Variants in PTPRM observed in about 807,000 individuals in gnomAD.
PTPRM encodes the protein receptor-type tyrosine-protein phosphatase mu.
Under a neutral mutation model 186.7 loss-of-function variants are expected in PTPRM, and 47 were observed. That is an observed-to-expected ratio of 0.25 (90% CI 0.20 to 0.32). The LOEUF (loss-of-function observed/expected upper bound fraction) is 0.32. Among genes scored for constraint, PTPRM ranks in the 10% least tolerant of loss-of-function variants. PTPRM has a pLI of 1.00. For missense variants in PTPRM, 1,494 were observed against 1,865.0 expected, an observed-to-expected ratio of 0.80 and a Z score of 3.66; for synonymous variants, 668 against 674.9, an observed-to-expected ratio of 0.99 and a Z score of 0.16.
chr18:7,797,814 C>T (rs1248734398), intron 2 of PTPRM, among the ~76,000 whole-genome samples: 1 of 152,152 alleles, frequency 6.6e-6, no homozygotes, highest in Non-Finnish European at 1.5e-5. Context: ...GTTCTTTAGC[C>T]ACAGTCTTGA....
intron 2 of PTPRM, among the ~76,000 whole-genome samples, chr18:7,816,898 C>A (rs753721636): frequency 3.3e-5 from 5 of 151,934 alleles, no homozygotes; most frequent in Non-Finnish European, 7.4e-5. Context: ...AATAGTTAAG[C>A]ATAATAACTG....
chr18:7,869,706 T>C (rs970725253), intron 2 of PTPRM, among the ~76,000 whole-genome samples: 3 of 152,222 alleles, frequency 2.0e-5, no homozygotes, highest in African/African-American at 7.2e-5. Flanking sequence ...GCAATGATCT[T>C]TTCTTCCTGA....
chr18:8,248,207 T>C (rs777081388), intron 17 of PTPRM, 31 bp downstream of exon 17: 2 of 1,519,656 alleles, frequency 1.3e-6, no homozygotes, highest in Non-Finnish European at 9.1e-7. Flanking sequence ...CACAGTTTAT[T>C]GCAGGAGTAA....
intron 1 of PTPRM, among the ~76,000 whole-genome samples, chr18:7,770,299 G>A (rs1364220534): frequency 6.6e-6 from 1 of 152,146 alleles, no homozygotes; most frequent in African/African-American, 2.4e-5. Flanking sequence ...CTAACTGCCT[G>A]TTCTTGGCAC....
At chr18:7,578,286 C>G (rs922118183) in intron 1 of PTPRM, among the ~76,000 whole-genome samples, 1 of 151,860 alleles carries the variant, frequency 6.6e-6, no homozygotes, top group Non-Finnish European at 1.5e-5. Context: ...ACCTCAGCCT[C>G]CTGAGTAGTT....
intron 7 of PTPRM, among the ~76,000 whole-genome samples, chr18:8,041,468 G>GAA (rs111472760): frequency 2.7e-4 from 41 of 149,318 alleles, no homozygotes; most frequent in African/African-American, 5.9e-4. Flanking sequence ...GTGACCAAAA[G>GAA]AAAAAAAAAA....
At chr18:7,840,980 A>G (rs1011617849) in intron 2 of PTPRM, among the ~76,000 whole-genome samples, 1 of 152,226 alleles carries the variant, frequency 6.6e-6, no homozygotes, top group Admixed American at 6.5e-5. Flanking sequence ...TTTGTAAAGT[A>G]CTACAATAGA....
intron 32 of PTPRM, among the ~76,000 whole-genome samples, chr18:8,395,986 A>T (rs2095843459): frequency 2.0e-5 from 3 of 152,122 alleles, no homozygotes; most frequent in African/African-American, 4.8e-5. Context: ...GGTTGTAGAG[A>T]GTGTAGGAGT....
At chr18:8,162,106 T>C (rs369163898) in intron 14 of PTPRM, among the ~76,000 whole-genome samples, 3 of 151,868 alleles carry the variant, frequency 2.0e-5, no homozygotes, top group East Asian at 1.9e-4. Flanking sequence ...TTTTTTCTTT[T>C]TTTTTTTTTT....
At chr18:7,926,511 C>A in intron 4 of PTPRM, 57 bp from the exon 5 acceptor site, 1 of 1,354,456 alleles carries the variant, frequency 7.4e-7, no homozygotes, top group Non-Finnish European at 1.0e-6. Flanking sequence ...TTGAAGAAGA[C>A]ATATATTAGT....
At chr18:7,873,504 C>T (rs1000479935) in intron 2 of PTPRM, among the ~76,000 whole-genome samples, 2 of 152,036 alleles carry the variant, frequency 1.3e-5, no homozygotes, top group Non-Finnish European at 1.5e-5. Flanking sequence ...CAATGGTTAC[C>T]GAAGGGACCA....
chr18:7,589,816 A>G (rs908677582), intron 1 of PTPRM, among the ~76,000 whole-genome samples: 7 of 152,208 alleles, frequency 4.6e-5, no homozygotes, highest in African/African-American at 1.7e-4. Flanking sequence ...TTAGTTTCCC[A>G]TGCTGTAAGT....
At chr18:7,997,743 A>C (rs553588640) in intron 7 of PTPRM, among the ~76,000 whole-genome samples, 41 of 152,352 alleles carry the variant, frequency 2.7e-4, no homozygotes, top group South Asian at 1.0e-3. Context: ...TCTCAAAAGC[A>C]GACATTCAAA....
At chr18:8,184,726 G>T (rs111619334) in intron 14 of PTPRM, among the ~76,000 whole-genome samples, 5,951 of 152,290 alleles carry the variant, frequency 0.039, 174 homozygotes, top group Middle Eastern at 0.071. Flanking sequence ...ATGAGGATTT[G>T]CCCTATGTAT....
At chr18:8,289,508 G>C (rs1344858428) in intron 19 of PTPRM, among the ~76,000 whole-genome samples, 1 of 98,012 alleles carries the variant, frequency 1.0e-5, no homozygotes, top group South Asian at 2.9e-4. Flanking sequence ...ATATATGTGT[G>C]TGTATGTATA....
intron 1 of PTPRM, among the ~76,000 whole-genome samples, chr18:7,580,485 G>C (rs2036814411): frequency 6.6e-6 from 1 of 152,198 alleles, no homozygotes; most frequent in African/African-American, 2.4e-5. Flanking sequence ...TGACGCCAAA[G>C]GCTCTTCAGC....
chr18:8,313,036 C>T (rs1411219922), intron 20 of PTPRM, among the ~76,000 whole-genome samples: 1 of 152,168 alleles, frequency 6.6e-6, no homozygotes, highest in African/African-American at 2.4e-5. Flanking sequence ...GACTTTCACC[C>T]ATTAGCATTT....
At chr18:8,106,186 G>A (rs539341348) in intron 11 of PTPRM, among the ~76,000 whole-genome samples, 2 of 152,276 alleles carry the variant, frequency 1.3e-5, no homozygotes, top group Admixed American at 6.5e-5. Flanking sequence ...ACTCCTGGGG[G>A]CATACCTGCT....
intron 7 of PTPRM, among the ~76,000 whole-genome samples, chr18:8,001,545 A>G (rs1346359950): frequency 6.7e-6 from 1 of 148,988 alleles, no homozygotes; most frequent in East Asian, 2.0e-4. Flanking sequence ...TTTTTTTTTT[A>G]TTTGCCCCTC....
Sources: gnomAD v4.1 joint callset for allele counts (sites outside exome capture counted in the v4.1 genomes callset) on GRCh38, gnomAD v4.1.1 for gene constraint, MANE v1.5 for transcripts, NCBI Gene and HGNC (gene_info 2026-07-23, HGNC 2026-07-21) for gene names.